The following GABRB3 variants were observed in gnomAD, a reference collection of about 807,000 sequenced individuals.
GABRB3 encodes gamma-aminobutyric acid type A receptor subunit beta3, also known as gamma-aminobutyric acid receptor subunit beta-3.
In GABRB3, 14 loss-of-function variants were observed where a neutral mutation model predicts 52.1. The ratio of observed to expected loss-of-function variants is 0.27; its 90% CI spans 0.18 to 0.42. GABRB3 has a LOEUF of 0.42. Ranked by LOEUF, GABRB3 falls within the 10% of genes least tolerant of loss-of-function variation. The pLI, the probability that GABRB3 is intolerant of heterozygous loss-of-function variation, is 1.00. For synonymous variants in GABRB3, 260 were observed against 232.3 expected (o/e 1.12, Z -1.08); for missense variants, 307 against 609.1 (o/e 0.50, Z 5.22).
At chr15:26,604,203 TAATC>T (rs1891694442) in intron 4 of GABRB3, among the ~76,000 whole-genome samples, 1 of 152,092 alleles carries the variant, frequency 6.6e-6, no homozygotes, top group Admixed American at 6.6e-5. Flanking sequence ...TGAATTACCT[TAATC>T]AAAGAAATGA....
chr15:26,623,551 T>C (rs1674275176), intron 3 of GABRB3, among the ~76,000 whole-genome samples: 1 of 152,158 alleles, frequency 6.6e-6, no homozygotes. Flanking sequence ...GTTTGTTTGT[T>C]TGTTTTTACA....
At chr15:26,713,953 C>G (rs1487944223) in intron 3 of GABRB3, among the ~76,000 whole-genome samples, 1 of 152,190 alleles carries the variant, frequency 6.6e-6, no homozygotes, top group African/African-American at 2.4e-5. Context: ...GTCCAAAGTG[C>G]CTTCCCCAGG....
chr15:26,647,372 A>G (rs1325984048), intron 3 of GABRB3, among the ~76,000 whole-genome samples: 1 of 152,202 alleles, frequency 6.6e-6, no homozygotes, highest in African/African-American at 2.4e-5. Context: ...CAAATTATCA[A>G]TGTTTCCTTT....
intron 4 of GABRB3, among the ~76,000 whole-genome samples, chr15:26,607,065 G>A (rs977750891): frequency 7.9e-5 from 12 of 152,140 alleles, no homozygotes; most frequent in African/African-American, 1.2e-4. Context: ...AAAGGCAAAC[G>A]CCGAGCTGTA....
chr15:26,577,452 G>A (rs1890634119), intron 6 of GABRB3, among the ~76,000 whole-genome samples: 1 of 152,180 alleles, frequency 6.6e-6, no homozygotes. Context: ...GGCAGAGGTT[G>A]CTGTGAGAGG....
At chr15:26,671,456 T>C (rs1329436593) in intron 3 of GABRB3, among the ~76,000 whole-genome samples, 2 of 152,184 alleles carry the variant, frequency 1.3e-5, no homozygotes, top group African/African-American at 4.8e-5. Flanking sequence ...CAGGGACACA[T>C]TCCTCCAAGT....
chr15:26,768,016 C>G lies in GABRB3; in HGVS notation c.240+4386G>C, dbSNP rs184776077. ...CATATGCACACTTATTTCACACCTACACATTAAAAAAATGGATTTTATAAG... is the reference window on the plus strand; with the variant it reads ...CATATGCACACTTATTTCACACCTAGACATTAAAAAAATGGATTTTATAAG... On this transcript the variant is annotated intron_variant, in intron 3 of 8. Transcript: ENST00000311550. Among the ~76,000 whole-genome samples the G allele has an allele frequency of 2.1e-3, 302 of 145,324 alleles. 1 individual carries two copies. Among genetic ancestry groups the G allele is most frequent in the African/African-American group, 6.5e-3 (265 of 40,718 alleles).
At chr15:26,634,880 A>G (rs923663196) in intron 3 of GABRB3, among the ~76,000 whole-genome samples, 2 of 139,096 alleles carry the variant, frequency 1.4e-5, no homozygotes, top group Non-Finnish European at 3.2e-5. Context: ...ACATATTTAT[A>G]GAGAGAAAAA....
intron 8 of GABRB3, among the ~76,000 whole-genome samples, chr15:26,560,231 A>G (rs117995893): frequency 6.0e-4 from 91 of 152,304 alleles, no homozygotes; most frequent in Non-Finnish European, 1.1e-3. Context: ...ACAAGGAAAT[A>G]TTTCAGATTA....
In GABRB3 at chr15:26,624,860, G is replaced by A. The variant is rs560240310; in HGVS notation, c.241-3326C>T. On this transcript the variant is annotated intron_variant, in intron 3 of 8. Coordinates refer to ENST00000311550, the MANE Select transcript of GABRB3 (RefSeq NM_000814.6). Reference sequence around the variant, plus strand: ...AGCAAATGCAGGGTTTTCCTGTTACGGGAGCCATGGTGCCGCTCCTTGTGA... The same window carrying A: ...AGCAAATGCAGGGTTTTCCTGTTACAGGAGCCATGGTGCCGCTCCTTGTGA... 9.1e-5 allele frequency: 90 copies of A among 985,274 alleles called. No individual in the cohort carries two copies. The South Asian group carries it at 1.1e-3, about 12-fold the overall frequency. 61.0% of individuals were successfully genotyped at this position (985,274 alleles called of 1,614,324 possible).
intron 3 of GABRB3, among the ~76,000 whole-genome samples, chr15:26,668,755 G>C (rs1032953700): frequency 6.6e-6 from 1 of 152,152 alleles, no homozygotes; most frequent in African/African-American, 2.4e-5. Flanking sequence ...CTGAGGAAGT[G>C]AGCAGCAAAA....
chr15:26,732,272 GGATGAATA>G (rs1227585764), intron 3 of GABRB3, among the ~76,000 whole-genome samples: 2 of 149,742 alleles, frequency 1.3e-5, no homozygotes, highest in African/African-American at 5.0e-5. Context: ...ATGGATGGAT[GGATGAATA>G]GATGGATGGA....
At chr15:26,564,673 G>A (rs1890100617) in intron 7 of GABRB3, among the ~76,000 whole-genome samples, 1 of 152,202 alleles carries the variant, frequency 6.6e-6, no homozygotes, top group African/African-American at 2.4e-5. Flanking sequence ...ATAAGACTAG[G>A]TGCTTGGGAA....
chr15:26,678,799 T>C (rs1402228767), intron 3 of GABRB3, among the ~76,000 whole-genome samples: 2 of 152,100 alleles, frequency 1.3e-5, no homozygotes, highest in Admixed American at 1.3e-4. Context: ...AAAAAGGCAA[T>C]TGGGGGCTGG....
chr15:26,674,058 A>AC (rs142566290), intron 3 of GABRB3, among the ~76,000 whole-genome samples: 6,023 of 147,006 alleles, frequency 0.041, 404 homozygotes, highest in African/African-American at 0.14. Flanking sequence ...CACATATTTA[A>AC]CCCCCCCCTT....
At chr15:26,584,844 G>A (rs1349586903) in intron 4 of GABRB3, among the ~76,000 whole-genome samples, 1 of 152,168 alleles carries the variant, frequency 6.6e-6, no homozygotes, top group African/African-American at 2.4e-5. Context: ...ACTGTGGTGG[G>A]TTCCTGAGTC....
intron 3 of GABRB3, among the ~76,000 whole-genome samples, chr15:26,754,363 T>C (rs74004670): frequency 0.018 from 2,728 of 152,166 alleles, 94 homozygotes; most frequent in African/African-American, 0.062. Flanking sequence ...TCAGAAGTAG[T>C]TGAGAAACTT....
At chr15:26,728,507 C>T (rs1229121835) in intron 3 of GABRB3, among the ~76,000 whole-genome samples, 2 of 152,154 alleles carry the variant, frequency 1.3e-5, no homozygotes, top group African/African-American at 2.4e-5. Flanking sequence ...CATCTAACTA[C>T]AATAGATACT....
intron 3 of GABRB3, among the ~76,000 whole-genome samples, chr15:26,631,426 G>T (rs1194867519): frequency 6.6e-6 from 1 of 152,148 alleles, no homozygotes; most frequent in Non-Finnish European, 1.5e-5. Context: ...CTTAGCACAG[G>T]AAATGAAGAA....
Sources: allele counts gnomAD v4.1 joint callset (sites outside exome capture counted in the v4.1 genomes callset), GRCh38; gene constraint gnomAD v4.1.1; transcripts MANE v1.5; gene names NCBI Gene and HGNC (gene_info 2026-07-23, HGNC 2026-07-21).